CDH18: variants seen among roughly 807,000 people sequenced by gnomAD.
CDH18 encodes cadherin-18.
A neutral mutation model predicts 67.9 loss-of-function variants in CDH18; 31 were observed. That is an observed-to-expected ratio of 0.46 (90% confidence interval 0.34 to 0.62). The LOEUF is 0.62. CDH18 is among the 20% of genes least tolerant of loss of function. The pLI is 0.01. For missense variants in CDH18, 890 were observed against 975.5 expected, an observed-to-expected ratio of 0.91 and a Z score of 1.17; for synonymous variants, 362 against 347.2, an observed-to-expected ratio of 1.04 and a Z score of -0.48.
intron 10 of CDH18, among the ~76,000 whole-genome samples, chr5:19,509,041 G>A (rs1168690641): frequency 3.3e-5 from 5 of 151,560 alleles, no homozygotes; most frequent in African/African-American, 1.2e-4. Flanking sequence ...CCTAATTTTT[G>A]TATTTTTGGT....
At chr5:19,980,394 G>A (rs1798918109) in intron 2 of CDH18, among the ~76,000 whole-genome samples, 1 of 151,790 alleles carries the variant, frequency 6.6e-6, no homozygotes, top group African/African-American at 2.4e-5. Flanking sequence ...AAATTTTTAA[G>A]ATGTTTTTTT....
intron 2 of CDH18, among the ~76,000 whole-genome samples, chr5:20,144,847 G>C (rs1043764503): frequency 6.6e-6 from 1 of 152,084 alleles, no homozygotes; most frequent in African/African-American, 2.4e-5. Flanking sequence ...TCTTATAAAA[G>C]GGGGACAACT....
At chr5:20,298,145 C>T (rs1222564507) in intron 1 of CDH18, among the ~76,000 whole-genome samples, 10 of 152,096 alleles carry the variant, frequency 6.6e-5, no homozygotes, top group Non-Finnish European at 1.3e-4. Flanking sequence ...AGAACCAAGA[C>T]CTTTCTTTAA....
rs1476762186 is a variant in CDH18 at position 20,406,885 on chromosome 5, A to T, written c.-579-151380T>A. Reference sequence around the variant, plus strand: ...GGCATGCTTCGTTAGCCACATTAAAACTGGTAGGAAAATTGGAAGCAATAT... The same window carrying T: ...GGCATGCTTCGTTAGCCACATTAAATCTGGTAGGAAAATTGGAAGCAATAT... On this transcript the variant is annotated intron_variant, in intron 1 of 14. Transcript: ENST00000507958. Among the ~76,000 whole-genome samples the T allele has an allele frequency of 5.3e-5, 8 of 152,154 alleles. No homozygotes were observed. In the East Asian group the frequency reaches 1.5e-3, roughly 29 times the overall value.
chr5:20,012,034 T>C (rs1214802773), intron 2 of CDH18, among the ~76,000 whole-genome samples: 1 of 152,004 alleles, frequency 6.6e-6, no homozygotes, highest in African/African-American at 2.4e-5. Context: ...TCTTTGTACA[T>C]CTGGTGGAAT....
intron 3 of CDH18, among the ~76,000 whole-genome samples, chr5:19,811,160 AGG>A (rs766614732): frequency 0.016 from 204 of 12,872 alleles, 4 homozygotes; most frequent in Middle Eastern, 0.038. Context: ...GAAAGAAAGA[AGG>A]AGAGAAAGAA....
intron 1 of CDH18, among the ~76,000 whole-genome samples, chr5:20,280,894 G>A (rs1360943711): frequency 3.9e-5 from 6 of 152,098 alleles, no homozygotes; most frequent in Admixed American, 6.5e-5. Context: ...TTAAATGATC[G>A]CCATTCAAAC....
chr5:20,280,304 AC>A (rs1361199227), intron 1 of CDH18, among the ~76,000 whole-genome samples: 1 of 151,846 alleles, frequency 6.6e-6, no homozygotes, highest in African/African-American at 2.4e-5. Flanking sequence ...GGTGTGCTGC[AC>A]CCATTAACTC....
At chr5:20,435,828 C>T (rs866731795) in intron 1 of CDH18, among the ~76,000 whole-genome samples, 1 of 152,018 alleles carries the variant, frequency 6.6e-6, no homozygotes, top group South Asian at 2.1e-4. Flanking sequence ...TGAAAGATAT[C>T]AAAGGTAAAA....
rs1745837838 is a variant in CDH18 at position 20,095,390 on chromosome 5, CAGAAGAAAGA to C, written c.-517-103386_-517-103377del. 1.3e-4 allele frequency among the ~76,000 whole-genome samples: 7 copies of C among 55,386 alleles called. No individual in the cohort carries two copies. The South Asian group carries it at 4.1e-3, about 32-fold the overall frequency. The allele number at this position is 55,386 out of a possible 152,430, so 36.3% of individuals were successfully genotyped here. A position where few individuals can be genotyped will look rare whatever the true frequency, so the allele number is the denominator to read the frequency against. On this transcript the variant is annotated intron_variant, in intron 2 of 14. Transcript: ENST00000507958. ...ACAGAAGAAAGAAAGAAAAGAGAAA[CAGAAGAAAGA>C]AAGAAAGAAAGAAAGAAAGAAAGAA...
intron 2 of CDH18, among the ~76,000 whole-genome samples, chr5:20,077,849 C>T (rs963970974): frequency 6.6e-6 from 1 of 152,004 alleles, no homozygotes; most frequent in African/African-American, 2.4e-5. Context: ...TAAAACAAAA[C>T]AAAAACTTTC....
intron 2 of CDH18, among the ~76,000 whole-genome samples, chr5:20,133,839 G>A (rs1399744125): frequency 6.6e-6 from 1 of 151,972 alleles, no homozygotes; most frequent in East Asian, 1.9e-4. Flanking sequence ...CAATGACTTG[G>A]TGTCTGCCAT....
At chr5:20,424,971 G>C (rs754358854) in intron 1 of CDH18, among the ~76,000 whole-genome samples, 7 of 150,526 alleles carry the variant, frequency 4.7e-5, no homozygotes, top group Non-Finnish European at 8.8e-5. Flanking sequence ...TGAGGACTGG[G>C]TCAACCAGAA....
chr5:20,351,408 G>C (rs952470289), intron 1 of CDH18, among the ~76,000 whole-genome samples: 2 of 152,098 alleles, frequency 1.3e-5, no homozygotes, highest in Non-Finnish European at 2.9e-5. Flanking sequence ...AACAGCAGCT[G>C]TCATTTATTT....
At chr5:20,462,598 AT>A (rs1270933075) in intron 1 of CDH18, among the ~76,000 whole-genome samples, 1 of 152,186 alleles carries the variant, frequency 6.6e-6, no homozygotes, top group Admixed American at 6.5e-5. Flanking sequence ...TCAAACTATC[AT>A]TTTTTATCCC....
chr5:19,549,543 A>G (rs1002241138), intron 8 of CDH18, among the ~76,000 whole-genome samples: 2 of 152,144 alleles, frequency 1.3e-5, no homozygotes, highest in African/African-American at 2.4e-5. Flanking sequence ...GAATACAGAA[A>G]AAGAATGAAA....
At chr5:19,616,498 T>C (rs1267770253) in intron 5 of CDH18, among the ~76,000 whole-genome samples, 1 of 152,204 alleles carries the variant, frequency 6.6e-6, no homozygotes, top group Non-Finnish European at 1.5e-5. Context: ...ATGCTCCTTT[T>C]CATTTTAAAC....
At chr5:19,976,527 C>T (rs921959209) in intron 2 of CDH18, among the ~76,000 whole-genome samples, 13 of 152,014 alleles carry the variant, frequency 8.6e-5, no homozygotes, top group African/African-American at 2.7e-4. Flanking sequence ...TGGACTTAGT[C>T]TTACTGAGGG....
chr5:19,570,319 C>T (rs1356650676), intron 8 of CDH18, among the ~76,000 whole-genome samples: 1 of 152,148 alleles, frequency 6.6e-6, no homozygotes, highest in East Asian at 1.9e-4. Flanking sequence ...TACCGATCCT[C>T]CTTCTTCAAG....
Sources: allele counts gnomAD v4.1 joint callset (sites outside exome capture counted in the v4.1 genomes callset), GRCh38; gene constraint gnomAD v4.1.1; transcripts MANE v1.5; gene names NCBI Gene and HGNC (gene_info 2026-07-23, HGNC 2026-07-21).